The following STXBP5 variants were observed in gnomAD, a reference collection of about 807,000 sequenced individuals.
The protein encoded by STXBP5 is syntaxin-binding protein 5.
A neutral mutation model predicts 152.4 loss-of-function variants in STXBP5; 50 were observed. The ratio of observed to expected loss-of-function variants is 0.33; its 90% CI spans 0.26 to 0.42. STXBP5 has a LOEUF of 0.42. STXBP5 is among the 10% of genes least tolerant of loss of function. STXBP5 has a pLI of 1.00. For synonymous variants in STXBP5, 492 were observed against 494.7 expected (o/e 0.99, Z 0.07); for missense variants, 1,167 against 1,388.6 (o/e 0.84, Z 2.54).
chr6:147,323,110 TCTACC>T (rs1783021785), intron 16 of STXBP5, among the ~76,000 whole-genome samples: 1 of 147,930 alleles, frequency 6.8e-6, no homozygotes, highest in Non-Finnish European at 1.5e-5. Context: ...CTTTTCTTCC[TCTACC>T]CTACCTCTAC....
intron 3 of STXBP5, among the ~76,000 whole-genome samples, chr6:147,237,901 T>G (rs1056262427): frequency 6.6e-6 from 1 of 152,234 alleles, no homozygotes; most frequent in Non-Finnish European, 1.5e-5. Flanking sequence ...GTTACATCTC[T>G]TGTCTTATTC....
intron 21 of STXBP5, among the ~76,000 whole-genome samples, chr6:147,346,985 T>G (rs1335257529): frequency 2.0e-5 from 3 of 152,026 alleles, no homozygotes; most frequent in Non-Finnish European, 4.4e-5. Context: ...GCAGCACAAG[T>G]GGAGCTGCAG....
intron 16 of STXBP5, among the ~76,000 whole-genome samples, chr6:147,320,437 A>T (rs762787797): frequency 6.6e-6 from 1 of 152,132 alleles, no homozygotes; most frequent in Non-Finnish European, 1.5e-5. Context: ...TACCGGCTAC[A>T]TAGGGACTCT....
intron 21 of STXBP5, among the ~76,000 whole-genome samples, chr6:147,348,073 C>T (rs929494284): frequency 2.0e-5 from 3 of 152,136 alleles, no homozygotes; most frequent in African/African-American, 7.2e-5. Flanking sequence ...GACATTATAT[C>T]TGGTTAACAA....
intron 12 of STXBP5, 45 bp from the exon 13 acceptor site, chr6:147,314,219 G>A (rs1289516062): frequency 6.7e-7 from 1 of 1,487,998 alleles, no homozygotes; most frequent in South Asian, 1.1e-5. Context: ...ACGGAGGTAT[G>A]TAGTATGCTT....
Position 147,235,240 on chromosome 6 carries a change from T to C in STXBP5, c.249-10T>C. 7 of 1,612,758 alleles carry C rather than the reference T, an allele frequency of 4.3e-6. No homozygotes were observed. The highest frequency in any genetic ancestry group is 5.9e-6 in the Non-Finnish European group (7 of 1,179,030). On this transcript the variant is annotated splice_polypyrimidine_tract_variant and intron_variant, in intron 2 of 27. Transcript: ENST00000321680. Reference sequence around the variant, plus strand: ...AAATACCATAAACTCCTTAATGGAATTAATTACAGCTTTGGTCGTCCAGGA... The same window carrying C: ...AAATACCATAAACTCCTTAATGGAACTAATTACAGCTTTGGTCGTCCAGGA...
intron 21 of STXBP5, among the ~76,000 whole-genome samples, chr6:147,348,480 T>G (rs1173674678): frequency 2.0e-5 from 3 of 152,128 alleles, no homozygotes; most frequent in Non-Finnish European, 4.4e-5. Flanking sequence ...CTCAATACAG[T>G]AACAAAATGG....
At chr6:147,290,123 A>G (rs1052724594) in intron 8 of STXBP5, among the ~76,000 whole-genome samples, 1 of 152,146 alleles carries the variant, frequency 6.6e-6, no homozygotes, top group Non-Finnish European at 1.5e-5. Context: ...TGGGAGGCTC[A>G]CTTAAGCCCA....
At chr6:147,261,154 A>T (rs558187377) in intron 5 of STXBP5, among the ~76,000 whole-genome samples, 3 of 152,090 alleles carry the variant, frequency 2.0e-5, no homozygotes, top group Non-Finnish European at 4.4e-5. Flanking sequence ...CTACTACTTG[A>T]TATGTTTTAA....
chr6:147,324,881 C>T lies in STXBP5; in HGVS notation c.1803-78C>T, dbSNP rs750555888. On this transcript the variant is annotated intron_variant, in intron 16 of 27. Coordinates refer to ENST00000321680, the MANE Select transcript of STXBP5 (RefSeq NM_001127715.4). ...TATATTTAAGTATCTAGTATCGTTT[C>T]ATATAAAAAGTTATTTATAATCATA... The T allele has an allele frequency of 1.7e-5, 21 of 1,239,404 alleles. No homozygotes were observed. In the East Asian group the frequency reaches 4.5e-4, roughly 26 times the overall value. The allele number at this position is 1,239,404 out of a possible 1,614,324, so 76.8% of individuals were successfully genotyped here.
intron 16 of STXBP5, among the ~76,000 whole-genome samples, chr6:147,324,062 C>A (rs1262466647): frequency 1.3e-5 from 2 of 151,996 alleles, no homozygotes; most frequent in African/African-American, 4.8e-5. Flanking sequence ...GTAGCATTAT[C>A]CAGCAATTAT....
At chr6:147,214,975 G>T (rs1319704420) in intron 2 of STXBP5, among the ~76,000 whole-genome samples, 1 of 152,196 alleles carries the variant, frequency 6.6e-6, no homozygotes, top group Non-Finnish European at 1.5e-5. Flanking sequence ...GTATGTGTGT[G>T]TGTGCAGACA....
chr6:147,302,420 A>C (rs1781867805), intron 9 of STXBP5, among the ~76,000 whole-genome samples: 1 of 152,190 alleles, frequency 6.6e-6, no homozygotes, highest in African/African-American at 2.4e-5. Flanking sequence ...TGAGAATGAT[A>C]ACAGAAGGAA....
intron 6 of STXBP5, among the ~76,000 whole-genome samples, chr6:147,266,527 T>C (rs1191865105): frequency 6.6e-6 from 1 of 152,106 alleles, no homozygotes; most frequent in Non-Finnish European, 1.5e-5. Flanking sequence ...TCCGGGTTTC[T>C]AGCTGGTGCC....
At chr6:147,216,702 CAAAT>C (rs1196206956) in intron 2 of STXBP5, among the ~76,000 whole-genome samples, 2 of 151,904 alleles carry the variant, frequency 1.3e-5, no homozygotes, top group Non-Finnish European at 2.9e-5. Flanking sequence ...ATATATATGA[CAAAT>C]AAATGAAATG....
At chr6:147,264,573 A>G (rs1779797012) in intron 6 of STXBP5, among the ~76,000 whole-genome samples, 1 of 152,114 alleles carries the variant, frequency 6.6e-6, no homozygotes. Flanking sequence ...TTCTAGATAC[A>G]GACTGGTTAT....
rs1350607175 is a variant in STXBP5 at position 147,389,435 on chromosome 6, C to T, written c.*4680C>T. 1 of 151,810 alleles carries T rather than the reference C, an allele frequency of 6.6e-6. No homozygotes were observed. The highest frequency in any genetic ancestry group is 2.4e-5 in the African/African-American group (1 of 41,420). 9.4% of individuals were successfully genotyped at this position (151,810 alleles called of 1,614,324 possible). ...GTCAAATTAATTTTAACAATATAGG[C>T]ACAATTCATTTACAAATTCAGTACA... On this transcript the variant is annotated 3_prime_UTR_variant, in exon 28 of 28. Transcript: ENST00000321680.
chr6:147,208,554 C>G (rs747875040), intron 2 of STXBP5, among the ~76,000 whole-genome samples: 2 of 152,036 alleles, frequency 1.3e-5, no homozygotes, highest in Non-Finnish European at 2.9e-5. Context: ...TTCTTTTGAT[C>G]CTTTATTCTC....
intron 4 of STXBP5, among the ~76,000 whole-genome samples, chr6:147,247,566 T>TA (rs1198704173): frequency 1.3e-5 from 2 of 152,160 alleles, no homozygotes; most frequent in African/African-American, 4.8e-5. Flanking sequence ...TTGAAACTGT[T>TA]AAAGAAAGGA....
Sources: gnomAD v4.1 joint callset for allele counts (sites outside exome capture counted in the v4.1 genomes callset) on GRCh38, gnomAD v4.1.1 for gene constraint, MANE v1.5 for transcripts, NCBI Gene and HGNC (gene_info 2026-07-23, HGNC 2026-07-21) for gene names.